The following UCN3 variants were observed in gnomAD, a reference collection of about 807,000 sequenced individuals.
The protein encoded by UCN3 is urocortin-3.
UCN3 carries 3 observed loss-of-function variants against 3.6 expected under a neutral mutation model. The observed-to-expected ratio is 0.83, with a 90% confidence interval of 0.38 to 2.15. The LOEUF (loss-of-function observed/expected upper bound fraction) is 2.15, where lower values mean the gene tolerates loss of function less well. UCN3 is among the 30% of genes most tolerant of loss of function. The probability of loss-of-function intolerance (pLI) is 0.06; values close to 1 mark genes in which losing one functional copy is unlikely to be tolerated. For missense variants in UCN3, 206 were observed against 208.3 expected, an observed-to-expected ratio of 0.99 and a Z score of 0.07; for synonymous variants, 100 against 93.2, an observed-to-expected ratio of 1.07 and a Z score of -0.42.
Position 5,370,877 on chromosome 10 carries a change from GTA to G in UCN3, c.-6-2834_-6-2833del, listed in dbSNP as rs201839970. 1.6e-3 allele frequency among the ~76,000 whole-genome samples: 179 copies of G among 111,974 alleles called. 17 individuals are homozygous for G. The highest frequency in any genetic ancestry group is 5.5e-3 in the African/African-American group (151 of 27,638). The allele number at this position is 111,974 out of a possible 152,430, so 73.5% of individuals were successfully genotyped here. On this transcript the variant is annotated intron_variant, in intron 1 of 1. Transcript: ENST00000380433. ...CGTGTGTGTGCGTGTGTATGTGTGT[GTA>G]TATGCGTGTGTATATGCGTGTGTAT...
At chr10:5,370,342 CGT>C (rs1491489967) in intron 1 of UCN3, among the ~76,000 whole-genome samples, 108 of 10,742 alleles carry the variant, frequency 0.01, 21 homozygotes, top group Non-Finnish European at 0.014. Flanking sequence ...TGTGTATATG[CGT>C]GTGTATATGT....
intron 1 of UCN3, among the ~76,000 whole-genome samples, chr10:5,369,518 G>A (rs1828523160): frequency 6.6e-6 from 1 of 152,144 alleles, no homozygotes; most frequent in Non-Finnish European, 1.5e-5. Context: ...AAACCCTCAG[G>A]CAAATAAGGA....
chr10:5,373,409 A>G (rs1299495562), intron 1 of UCN3, among the ~76,000 whole-genome samples: 3 of 152,210 alleles, frequency 2.0e-5, no homozygotes, highest in African/African-American at 7.2e-5. Flanking sequence ...ATTAAATAAA[A>G]CCCATAAATA....
At position 5,370,860 on chromosome 10, in the gene UCN3, T is replaced by TGC. The variant is rs1564443689; in HGVS notation, c.-6-2853_-6-2852dup. Among the ~76,000 whole-genome samples, 168 of 122,546 alleles carry TGC rather than the reference T, an allele frequency of 1.4e-3. 26 individuals carry two copies. The highest frequency in any genetic ancestry group is 5.4e-3 in the African/African-American group (163 of 30,270). 80.4% of individuals were successfully genotyped at this position (122,546 alleles called of 152,430 possible). A position where few individuals can be genotyped will look rare whatever the true frequency, so the allele number is the denominator to read the frequency against. On this transcript the variant is annotated intron_variant, in intron 1 of 1. Transcript: ENST00000380433. ...GTGCGCGTGTGTGTGCGCGTGTGTG[T>TGC]GCGTGTGTATGTGTGTGTATATGCG...
chr10:5,371,946 A>G (rs1831434787), intron 1 of UCN3, among the ~76,000 whole-genome samples: 1 of 152,230 alleles, frequency 6.6e-6, no homozygotes, highest in Non-Finnish European at 1.5e-5. Context: ...TGTAAATAGC[A>G]GAGCCTTTCA....
intron 1 of UCN3, among the ~76,000 whole-genome samples, chr10:5,370,853 G>A (rs373851031): frequency 0.027 from 1,978 of 72,576 alleles, 92 homozygotes; most frequent in African/African-American, 0.063. Flanking sequence ...GTGTGTGCGC[G>A]TGTGTGTGCG....
At chr10:5,370,675 ATG>A (rs781895057) in intron 1 of UCN3, among the ~76,000 whole-genome samples, 1,503 of 43,130 alleles carry the variant, frequency 0.035, 213 homozygotes, top group African/African-American at 0.043. Context: ...ATGTGTGTGT[ATG>A]TGTGTGTGTA....
rs782218580 is a variant in UCN3 at position 5,373,878 on chromosome 10, T to C, written c.158T>C (p.Leu53Pro). ...AEKGQWEDAS[L>P]LSKRSFHYLR... is the part of the protein sequence containing the mutation. Reference sequence around the variant, plus strand: ...AAGGGCCAGTGGGAGGATGCATCCCTGCTGAGCAAGAGGAGCTTCCACTAC... The same window carrying C: ...AAGGGCCAGTGGGAGGATGCATCCCCGCTGAGCAAGAGGAGCTTCCACTAC... Residue 53 changes from leucine to proline, a missense_variant, in exon 2 of 2, where the codon CTG becomes CCG. Leu to Pro is a moderately conservative substitution (Grantham distance 98). Transcript: ENST00000380433. 2.5e-6 allele frequency: 4 copies of C among 1,613,938 alleles called. No individual in the cohort carries two copies. In the East Asian group the frequency reaches 8.9e-5, roughly 36 times the overall value.
Position 5,366,463 on chromosome 10 carries a change from G to T in UCN3, c.-7+1233G>T, listed in dbSNP as rs1401418888. 6.6e-6 allele frequency among the ~76,000 whole-genome samples: 1 copy of T among 152,174 alleles called. No homozygotes were observed. Among genetic ancestry groups the T allele is most frequent in the African/African-American group, 2.4e-5 (1 of 41,434 alleles). Reference sequence around the variant, plus strand: ...CCAAGAATATGGCAGAAGAGTCCAAGGAATGTAAAAGGAGAAACTTGCAAA... The same window carrying T: ...CCAAGAATATGGCAGAAGAGTCCAATGAATGTAAAAGGAGAAACTTGCAAA... On this transcript the variant is annotated intron_variant, in intron 1 of 1. Coordinates refer to ENST00000380433, the MANE Select transcript of UCN3 (RefSeq NM_053049.4). This position sits in a 1 kb window ranked among gnomAD's most constrained non-coding sequence, Gnocchi z 4.2.
intron 1 of UCN3, among the ~76,000 whole-genome samples, chr10:5,370,489 ATGTG>A (rs782041854): frequency 1.7e-5 from 1 of 58,162 alleles, no homozygotes; most frequent in Non-Finnish European, 3.3e-5. Context: ...ATATGTGTGT[ATGTG>A]TGTGTATATG....
At chr10:5,370,487 GTATGTGTGTGTA>G (rs1831368821) in intron 1 of UCN3, among the ~76,000 whole-genome samples, 1 of 92,176 alleles carries the variant, frequency 1.1e-5, no homozygotes, top group Non-Finnish European at 2.2e-5. Flanking sequence ...GTATATGTGT[GTATGTGTGTGTA>G]TATGCGTGTG....
chr10:5,370,509 GTA>G lies in UCN3; in HGVS notation c.-6-3202_-6-3201del, dbSNP rs782286558. Among the ~76,000 whole-genome samples, 108 of 110,370 alleles carry G rather than the reference GTA, an allele frequency of 9.8e-4. 14 individuals carry two copies. The highest frequency in any genetic ancestry group is 3.8e-3 in the East Asian group (11 of 2,912). 72.4% of individuals were successfully genotyped at this position (110,370 alleles called of 152,430 possible). On this transcript the variant is annotated intron_variant, in intron 1 of 1. Coordinates refer to ENST00000380433, the MANE Select transcript of UCN3 (RefSeq NM_053049.4). Reference sequence around the variant, plus strand: ...TGTGTATGTGTGTGTATATGCGTGTGTATATGTGTGTGTATGTGTGTGTGTAT... The same window carrying G: ...TGTGTATGTGTGTGTATATGCGTGTGTATGTGTGTGTATGTGTGTGTGTAT...
chr10:5,365,069 G>C lies in UCN3; in HGVS notation c.-168G>C, dbSNP rs1315195281. ...CAGGGGAGGGGACCGTTTCCATAGAGAGGGAATATCACAGCCCACTTAGGA... is the reference window on the plus strand; with the variant it reads ...CAGGGGAGGGGACCGTTTCCATAGACAGGGAATATCACAGCCCACTTAGGA... On this transcript the variant is annotated 5_prime_UTR_variant, in exon 1 of 2. Coordinates refer to ENST00000380433, the MANE Select transcript of UCN3 (RefSeq NM_053049.4). This position sits in a 1 kb window ranked among gnomAD's most constrained non-coding sequence, Gnocchi z 4.4. 2 of 152,286 alleles carry C rather than the reference G, an allele frequency of 1.3e-5. No individual in the cohort carries two copies. Among genetic ancestry groups the C allele is most frequent in the African/African-American group, 4.8e-5 (2 of 41,442 alleles). 9.4% of individuals were successfully genotyped at this position (152,286 alleles called of 1,614,324 possible).
chr10:5,373,029 G>A (rs1005011150), intron 1 of UCN3, among the ~76,000 whole-genome samples: 24 of 152,200 alleles, frequency 1.6e-4, no homozygotes, highest in Admixed American at 3.3e-4. Context: ...TTGGCATTGA[G>A]GTCCTGCGGT....
intron 1 of UCN3, among the ~76,000 whole-genome samples, chr10:5,370,489 A>ATG (rs782041854): frequency 1.7e-5 from 1 of 58,204 alleles, no homozygotes; most frequent in African/African-American, 6.9e-5. Context: ...ATATGTGTGT[A>ATG]TGTGTGTGTA....
At position 5,369,917 on chromosome 10, in the gene UCN3, GTGTGTGTA is replaced by G. The variant is rs1564442071; in HGVS notation, c.-6-3790_-6-3783del. On this transcript the variant is annotated intron_variant, in intron 1 of 1. Coordinates refer to ENST00000380433, the MANE Select transcript of UCN3 (RefSeq NM_053049.4). ...TGTGTGTATATGTGTGTGTGTATAT[GTGTGTGTA>G]TGTGTGTGTGTGTATGTGTGTGTAT... Among the ~76,000 whole-genome samples, 35 of 125,796 alleles carry G rather than the reference GTGTGTGTA, an allele frequency of 2.8e-4. 6 individuals are homozygous for G. The highest frequency in any genetic ancestry group is 1.1e-3 in the African/African-American group (34 of 31,768). The allele number at this position is 125,796 out of a possible 152,430, so 82.5% of individuals were successfully genotyped here.
chr10:5,370,762 T>TATG (rs1831393506), intron 1 of UCN3, among the ~76,000 whole-genome samples: 1 of 138,536 alleles, frequency 7.2e-6, no homozygotes, highest in Non-Finnish European at 1.5e-5. Context: ...TGTGTGTGTA[T>TATG]ATGCGTGTGT....
intron 1 of UCN3, among the ~76,000 whole-genome samples, chr10:5,370,635 G>GTGTGTGTATA: frequency 1.1e-5 from 1 of 92,614 alleles, no homozygotes; most frequent in East Asian, 3.7e-4. Context: ...GCGTGTGTAT[G>GTGTGTGTATA]TGTGTGTATA....
rs1023508797 is a variant in UCN3 at position 5,367,326 on chromosome 10, T to C, written c.-7+2096T>C. 6.6e-6 allele frequency among the ~76,000 whole-genome samples: 1 copy of C among 152,176 alleles called. No individual in the cohort carries two copies. Among genetic ancestry groups the C allele is most frequent in the Non-Finnish European group, 1.5e-5 (1 of 68,032 alleles). Reference sequence around the variant, plus strand: ...ATTAAAAAACAAAACCAAAAAAGTATGCCATATAAAAGATTTTTTCCTCTG... The same window carrying C: ...ATTAAAAAACAAAACCAAAAAAGTACGCCATATAAAAGATTTTTTCCTCTG... On this transcript the variant is annotated intron_variant, in intron 1 of 1. Coordinates refer to ENST00000380433, the MANE Select transcript of UCN3 (RefSeq NM_053049.4). This position sits in a 1 kb window ranked among gnomAD's most constrained non-coding sequence, Gnocchi z 4.3.
Sources: gnomAD v4.1 joint callset for allele counts (sites outside exome capture counted in the v4.1 genomes callset) on GRCh38, gnomAD v4.1.1 for gene constraint, Gnocchi (gnomAD v3.1) non-coding constraint, MANE v1.5 for transcripts, NCBI Gene and HGNC (gene_info 2026-07-23, HGNC 2026-07-21) for gene names.